The following CPXM2 variants were observed in gnomAD, a reference collection of about 807,000 sequenced individuals.
CPXM2 encodes the protein inactive carboxypeptidase-like protein X2.
A neutral mutation model predicts 86.1 loss-of-function variants in CPXM2; 66 were observed. The ratio of observed to expected loss-of-function variants is 0.77; its 90% confidence interval spans 0.63 to 0.94. The LOEUF (loss-of-function observed/expected upper bound fraction) is 0.94, where lower values mean the gene tolerates loss of function less well. Ranked by LOEUF, CPXM2 falls within the 40% of genes least tolerant of loss-of-function variation. The probability of loss-of-function intolerance (pLI) is 0.00; values close to 1 mark genes in which losing one functional copy is unlikely to be tolerated. For missense variants in CPXM2, 948 were observed against 1,026.3 expected (o/e 0.92, Z 1.04); for synonymous variants, 388 against 400.2 (o/e 0.97, Z 0.36).
chr10:123,798,988 T>C lies in CPXM2; in HGVS notation c.738+127A>G, dbSNP rs1847395023. ...GGGAAAGGGTCTCTGTCCATCAGAC[T>C]GTAGTGGTAGGTTTGAGTTGACAGA... On this transcript the variant is annotated intron_variant, in intron 5 of 13. Transcript: ENST00000241305. 5.9e-6 allele frequency: 6 copies of C among 1,014,274 alleles called. No individual in the cohort carries two copies. In the Admixed American group the frequency reaches 8.9e-5, roughly 15 times the overall value. The allele number at this position is 1,014,274 out of a possible 1,614,324, so 62.8% of individuals were successfully genotyped here.
chr10:123,900,004 C>T (rs1945367970), intron 2 of CPXM2, among the ~76,000 whole-genome samples: 2 of 152,234 alleles, frequency 1.3e-5, no homozygotes, highest in Admixed American at 1.3e-4. Context: ...AATGAACAGG[C>T]AGATAACATA....
intron 4 of CPXM2, among the ~76,000 whole-genome samples, chr10:123,828,007 T>C (rs1052335097): frequency 1.3e-5 from 2 of 151,886 alleles, no homozygotes; most frequent in African/African-American, 4.8e-5. Flanking sequence ...CTACAAAAAA[T>C]TTTAAAAACA....
chr10:123,793,293 T>A (rs1047014379), intron 6 of CPXM2, among the ~76,000 whole-genome samples: 1 of 151,696 alleles, frequency 6.6e-6, no homozygotes, highest in Non-Finnish European at 1.5e-5. Flanking sequence ...TGAAACCCCA[T>A]CTCTACTAAA....
intron 4 of CPXM2, among the ~76,000 whole-genome samples, chr10:123,802,708 C>T (rs10902816): frequency 0.52 from 78,509 of 151,948 alleles, 22,061 homozygotes; most frequent in East Asian, 0.84. Context: ...GGTAGACATG[C>T]TCATATACCT....
upstream of CPXM2, among the ~76,000 whole-genome samples, chr10:123,943,175 C>CATTTCGGCATTCCTGATTGCCTATAT (rs11271086): frequency 1.4e-4 from 22 of 152,056 alleles, no homozygotes; most frequent in African/African-American, 5.3e-4. Context: ...TTTCTAAATT[C>CATTTCGGCATTCCTGATTGCCTATAT]ATGTGTGTTC....
In CPXM2 at chr10:123,768,778, C is replaced by G. The variant is rs115623953; in HGVS notation, c.1103-56G>C. ...TCACGTTGAAACACTTAGGGCCAAA[C>G]GGTGCTTGTCACATTGTGTTGGGGG... On this transcript the variant is annotated intron_variant, in intron 8 of 13. Coordinates refer to ENST00000241305, the MANE Select transcript of CPXM2 (RefSeq NM_198148.3). 4.1e-6 allele frequency: 6 copies of G among 1,478,106 alleles called. No individual in the cohort carries two copies. In the East Asian group the frequency reaches 1.4e-4, roughly 34 times the overall value. 91.6% of individuals were successfully genotyped at this position (1,478,106 alleles called of 1,614,324 possible). A position where few individuals can be genotyped will look rare whatever the true frequency, so the allele number is the denominator to read the frequency against.
intron 4 of CPXM2, among the ~76,000 whole-genome samples, chr10:123,821,496 T>C (rs763120706): frequency 8.5e-5 from 13 of 152,210 alleles, no homozygotes; most frequent in Non-Finnish European, 1.6e-4. Context: ...AGCCCAAGGC[T>C]CAATATGCTC....
chr10:123,881,422 A>C (rs1218941521), intron 1 of CPXM2, among the ~76,000 whole-genome samples: 1 of 151,760 alleles, frequency 6.6e-6, no homozygotes, highest in African/African-American at 2.4e-5. Context: ...AGCCTGATGC[A>C]GGGCTTTGGA....
At chr10:123,760,225 T>G (rs1409183759) in intron 11 of CPXM2, among the ~76,000 whole-genome samples, 1 of 152,230 alleles carries the variant, frequency 6.6e-6, no homozygotes, top group Non-Finnish European at 1.5e-5. Context: ...AATCCAGGTG[T>G]GCCCGTGCCC....
chr10:123,776,418 T>C (rs150897601), intron 7 of CPXM2, among the ~76,000 whole-genome samples: 2,824 of 152,320 alleles, frequency 0.019, 39 homozygotes, highest in Non-Finnish European at 0.028. Flanking sequence ...CACTCTCTAC[T>C]GAAGGATATA....
intron 5 of CPXM2, among the ~76,000 whole-genome samples, chr10:123,798,909 CT>C (rs1847393608): frequency 6.6e-6 from 1 of 152,212 alleles, no homozygotes; most frequent in Non-Finnish European, 1.5e-5. Flanking sequence ...TAAATAAAGG[CT>C]GAATTTTACA....
chr10:123,856,342 C>T (rs1420126596), intron 3 of CPXM2, among the ~76,000 whole-genome samples: 1 of 152,208 alleles, frequency 6.6e-6, no homozygotes, highest in Non-Finnish European at 1.5e-5. Flanking sequence ...CTGTTTGAGG[C>T]TTGCCAGCTA....
At chr10:123,879,932 G>A (rs1945053369) in intron 2 of CPXM2, among the ~76,000 whole-genome samples, 1 of 152,184 alleles carries the variant, frequency 6.6e-6, no homozygotes, top group African/African-American at 2.4e-5. Context: ...GAGAGAGGTG[G>A]GGAAAGCAAC....
chr10:123,794,554 C>T (rs1308715109), intron 6 of CPXM2, among the ~76,000 whole-genome samples: 1 of 152,170 alleles, frequency 6.6e-6, no homozygotes, highest in Admixed American at 6.5e-5. Context: ...TCAGCTGGCA[C>T]AGTTCTTAAC....
chr10:123,808,234 A>C (rs921178327), intron 4 of CPXM2, among the ~76,000 whole-genome samples: 9 of 152,164 alleles, frequency 5.9e-5, no homozygotes, highest in Admixed American at 5.2e-4. Flanking sequence ...TAACAAAAGG[A>C]AAGATTAATT....
chr10:123,935,545 C>T (rs1462803743), intron 2 of CPXM2, among the ~76,000 whole-genome samples: 1 of 152,230 alleles, frequency 6.6e-6, no homozygotes, highest in Non-Finnish European at 1.5e-5. Flanking sequence ...GAGGGCTCAA[C>T]AGTTCTAACA....
At chr10:123,767,221 T>C in intron 9 of CPXM2, 69 bp from the exon 10 acceptor site, 11 of 1,401,830 alleles carry the variant, frequency 7.8e-6, no homozygotes, top group Non-Finnish European at 1.1e-5. Flanking sequence ...CCATACAAGA[T>C]GCATCTGTCT....
Position 123,746,650 on chromosome 10 carries a change from C to A in CPXM2, c.*114G>T. On this transcript the variant is annotated 3_prime_UTR_variant, in exon 14 of 14. Transcript: ENST00000241305. ...CCTGCCTCACAATGCACCCTCTCTT[C>A]CAGGCACTTCTTGAATTACAGAGGA... is the stretch of plus-strand genomic sequence containing the variant. The A allele has an allele frequency of 1.9e-6, 2 of 1,040,742 alleles. No individual in the cohort carries two copies. Among genetic ancestry groups the A allele is most frequent in the Non-Finnish European group, 2.8e-6 (2 of 706,454 alleles). 64.5% of individuals were successfully genotyped at this position (1,040,742 alleles called of 1,614,324 possible).
At chr10:123,778,064 A>G (rs1248342866) in intron 7 of CPXM2, among the ~76,000 whole-genome samples, 1 of 151,936 alleles carries the variant, frequency 6.6e-6, no homozygotes, top group African/African-American at 2.4e-5. Context: ...CTCCACCCCA[A>G]CCACCTGCAG....
Sources: allele counts gnomAD v4.1 joint callset (sites outside exome capture counted in the v4.1 genomes callset), GRCh38; gene constraint gnomAD v4.1.1; transcripts MANE v1.5; gene names NCBI Gene and HGNC (gene_info 2026-07-23, HGNC 2026-07-21).